EFNB3: variants seen among roughly 807,000 people sequenced by gnomAD.
EFNB3 encodes the protein ephrin-B3.
A neutral mutation model predicts 29.8 loss-of-function variants in EFNB3; 14 were observed. The ratio of observed to expected loss-of-function variants is 0.47; its 90% CI spans 0.31 to 0.73. The LOEUF (loss-of-function observed/expected upper bound fraction) is 0.73. EFNB3 is among the 30% of genes least tolerant of loss of function. EFNB3 has a pLI of 0.05. For synonymous variants in EFNB3, 216 were observed against 191.6 expected (o/e 1.13, Z -1.05); for missense variants, 408 against 458.0 (o/e 0.89, Z 1.00).
At position 7,709,221 on chromosome 17, in the gene EFNB3, C is replaced by T; in HGVS notation, c.668C>T (p.Pro223Leu). Reference sequence around the variant, plus strand: ...GGTGCTGAAGGCCCCCTGCCCCCTCCCAGCATGCCTGCAGTGGCTGGGGCA... The same window carrying T: ...GGTGCTGAAGGCCCCCTGCCCCCTCTCAGCATGCCTGCAGTGGCTGGGGCA... ...SRGAEGPLPP[P>L]SMPAVAGAAG... is the part of the protein sequence containing the mutation. The change falls in exon 5 of 5, where the codon CCC becomes CTC. Residue 223 changes from proline (P) to leucine (L), a missense_variant. Around this residue, in one of 3 missense-constraint regions of EFNB3, gnomAD observed 233 missense variants for 230.7 expected, o/e 1.01. Transcript: ENST00000226091. The surrounding 1 kb of genome is among the most constrained non-coding windows in gnomAD (Gnocchi z 4.5). 6.2e-7 allele frequency: 1 copy of T among 1,603,704 alleles called. No individual in the cohort carries two copies. The highest frequency in any genetic ancestry group is 1.3e-5 in the African/African-American group (1 of 74,614).
In EFNB3 at chr17:7,711,360, C is replaced by A. The variant is rs1296516121; in HGVS notation, c.*1784C>A. ...AACCAAAAAAAATAAAAATAAAAAA[C>A]TTCAAAAGTTGACAAGAAGGCTGGA... On this transcript the variant is annotated 3_prime_UTR_variant, in exon 5 of 5. Coordinates refer to ENST00000226091, the MANE Select transcript of EFNB3 (RefSeq NM_001406.4). The A allele has an allele frequency of 6.6e-6, 1 of 152,556 alleles. No homozygotes were observed. Among genetic ancestry groups the A allele is most frequent in the African/African-American group, 2.4e-5 (1 of 41,434 alleles). The allele number at this position is 152,556 out of a possible 1,614,324, so 9.5% of individuals were successfully genotyped here.
rs547481477 is a variant in EFNB3 at position 7,710,937 on chromosome 17, A to C, written c.*1361A>C. ...CCATCCTACATTTCTGACTCCTTTC[A>C]GACTCAACACAGTTCCCTTCTTAGT... On this transcript the variant is annotated 3_prime_UTR_variant, in exon 5 of 5. Coordinates refer to ENST00000226091, the MANE Select transcript of EFNB3 (RefSeq NM_001406.4). 5.2e-5 allele frequency: 8 copies of C among 152,792 alleles called. No homozygotes were observed. Among genetic ancestry groups the C allele is most frequent in the African/African-American group, 1.9e-4 (8 of 41,562 alleles). 9.5% of individuals were successfully genotyped at this position (152,792 alleles called of 1,614,324 possible).
Position 7,709,028 on chromosome 17 carries a change from G to A in EFNB3, c.614-139G>A. The A allele has an allele frequency of 1.1e-6, 1 of 885,748 alleles. No individual in the cohort carries two copies. The highest frequency in any genetic ancestry group is 1.5e-5 in the South Asian group (1 of 65,318). 54.9% of individuals were successfully genotyped at this position (885,748 alleles called of 1,614,324 possible). A position where few individuals can be genotyped will look rare whatever the true frequency, so the allele number is the denominator to read the frequency against. On this transcript the variant is annotated intron_variant, in intron 4 of 4. Coordinates refer to ENST00000226091, the MANE Select transcript of EFNB3 (RefSeq NM_001406.4). This position sits in a 1 kb window ranked among gnomAD's most constrained non-coding sequence, Gnocchi z 4.5. ...CCTGGATTCTGAGCAGAGTTCGGAG[G>A]GGGAGGAGAGATGGGGTCCCCAAGG... is the stretch of plus-strand genomic sequence containing the variant.
At position 7,708,304 on chromosome 17, in the gene EFNB3, G is replaced by C; in HGVS notation, c.415+54G>C. The C allele has an allele frequency of 6.3e-7, 1 of 1,590,412 alleles. No individual in the cohort carries two copies. Among genetic ancestry groups the C allele is most frequent in the Non-Finnish European group, 8.6e-7 (1 of 1,167,982 alleles). On this transcript the variant is annotated intron_variant, in intron 2 of 4. Coordinates refer to ENST00000226091, the MANE Select transcript of EFNB3 (RefSeq NM_001406.4). This position sits in a 1 kb window ranked among gnomAD's most constrained non-coding sequence, Gnocchi z 6.8. ...TGGGGGGCTCCTGATACTGAGCAGAGAGGGAGGGGGACCCCTGCAGCCAAG... is the reference window on the plus strand; with the variant it reads ...TGGGGGGCTCCTGATACTGAGCAGACAGGGAGGGGGACCCCTGCAGCCAAG...
Position 7,705,717 on chromosome 17 carries a change from A to AGAGGTGAGTGGCCT in EFNB3, c.121_122+12dup, listed in dbSNP as rs775103140. 1.6e-5 allele frequency: 25 copies of AGAGGTGAGTGGCCT among 1,564,222 alleles called. No homozygotes were observed. The South Asian group carries it at 2.6e-4, about 16-fold the overall frequency. On this transcript the variant is annotated stop_gained and frameshift_variant, in exon 1 of 5. Coordinates refer to ENST00000226091, the MANE Select transcript of EFNB3 (RefSeq NM_001406.4). LOFTEE classifies it high-confidence loss of function. The surrounding 1 kb of genome is among the most constrained non-coding windows in gnomAD (Gnocchi z 5.4). ...CCTGTCTACTGGAACTCGGCGAATA[A>AGAGGTGAGTGGCCT]GAGGTGAGTGGCCTGCGGCTGGGGA...
intron 1 of EFNB3, among the ~76,000 whole-genome samples, chr17:7,707,209 C>T (rs1047972838): frequency 6.6e-6 from 1 of 152,118 alleles, no homozygotes; most frequent in African/African-American, 2.4e-5. Context: ...CAGTGGATGC[C>T]TGGGTGCACT....
rs1259121921 is a variant in EFNB3, at chr17:7,708,312, G to C, written c.415+62G>C. 1 of 1,587,304 alleles carries C rather than the reference G, an allele frequency of 6.3e-7. No individual in the cohort carries two copies. The highest frequency in any genetic ancestry group is 2.2e-5 in the East Asian group (1 of 44,698). On this transcript the variant is annotated intron_variant, in intron 2 of 4. Coordinates refer to ENST00000226091, the MANE Select transcript of EFNB3 (RefSeq NM_001406.4). The surrounding 1 kb of genome is among the most constrained non-coding windows in gnomAD (Gnocchi z 6.8). ...TCCTGATACTGAGCAGAGAGGGAGG[G>C]GGACCCCTGCAGCCAAGAGGGAGAT... is the stretch of plus-strand genomic sequence containing the variant.
Position 7,708,084 on chromosome 17 carries a change from G to T in EFNB3, c.249G>T (p.Leu83=), listed in dbSNP as rs770364865. The change falls in exon 2 of 5, where the codon CTG becomes CTT. Residue 83 remains leucine (L), a synonymous_variant. Coordinates refer to ENST00000226091, the MANE Select transcript of EFNB3 (RefSeq NM_001406.4). This position sits in a 1 kb window ranked among gnomAD's most constrained non-coding sequence, Gnocchi z 6.8. ...SPNYEFYKLY[L]VGGAQGRRCE... Reference sequence around the variant, plus strand: ...ATTATGAGTTCTACAAGCTGTACCTGGTAGGGGGTGCTCAGGGCCGGCGCT... The same window carrying T: ...ATTATGAGTTCTACAAGCTGTACCTTGTAGGGGGTGCTCAGGGCCGGCGCT... 1.2e-6 allele frequency: 2 copies of T among 1,613,972 alleles called. No individual in the cohort carries two copies. The highest frequency in any genetic ancestry group is 1.7e-6 in the Non-Finnish European group (2 of 1,180,022).
rs187269351 is a variant in EFNB3, at chr17:7,707,830, T to A, written c.123-128T>A. 8 of 1,092,948 alleles carry A rather than the reference T, an allele frequency of 7.3e-6. No homozygotes were observed. The East Asian group carries it at 2.0e-4, about 27-fold the overall frequency. 67.7% of individuals were successfully genotyped at this position (1,092,948 alleles called of 1,614,324 possible). A position where few individuals can be genotyped will look rare whatever the true frequency, so the allele number is the denominator to read the frequency against. On this transcript the variant is annotated intron_variant, in intron 1 of 4. Coordinates refer to ENST00000226091, the MANE Select transcript of EFNB3 (RefSeq NM_001406.4). The stretch of plus-strand genomic sequence containing the variant: ...TGCTCTATAAGAAGAGACTTTCCAC[T>A]CAGACAAAGGCGGGCAAGCGTGAGC...
rs2074342699 is a variant in EFNB3 at position 7,709,684 on chromosome 17, C to T, written c.*108C>T. On this transcript the variant is annotated 3_prime_UTR_variant, in exon 5 of 5. Coordinates refer to ENST00000226091, the MANE Select transcript of EFNB3 (RefSeq NM_001406.4). The surrounding 1 kb of genome is among the most constrained non-coding windows in gnomAD (Gnocchi z 4.5). ...TAACATCTCGGCCCCCTGTGCCCCC[C>T]CAGCCCCTTCACTCCTCCCGGCTGC... The T allele has an allele frequency of 8.6e-7, 1 of 1,158,348 alleles. No individual in the cohort carries two copies. The highest frequency in any genetic ancestry group is 2.0e-5 in the Admixed American group (1 of 49,804). The allele number at this position is 1,158,348 out of a possible 1,614,324, so 71.8% of individuals were successfully genotyped here. A position where few individuals can be genotyped will look rare whatever the true frequency, so the allele number is the denominator to read the frequency against.
At position 7,709,249 on chromosome 17, in the gene EFNB3, AG is replaced by A; in HGVS notation, c.702del (p.Leu235TrpfsTer59). The A allele has an allele frequency of 1.3e-6, 2 of 1,594,212 alleles. No homozygotes were observed. Among genetic ancestry groups the A allele is most frequent in the African/African-American group, 1.4e-5 (1 of 74,042 alleles). ...GCATGCCTGCAGTGGCTGGGGCAGC[AG>A]GGGGGCTGGCGCTGCTCTTGCTGGG... ...PSMPAVAGAA[G>X]GLALLLLGVA... On this transcript the variant is annotated frameshift_variant, in exon 5 of 5. Transcript: ENST00000226091. LOFTEE classifies it high-confidence loss of function. The surrounding 1 kb of genome is among the most constrained non-coding windows in gnomAD (Gnocchi z 4.5).
Position 7,709,039 on chromosome 17 carries a change from A to G in EFNB3, c.614-128A>G. 1.0e-6 allele frequency: 1 copy of G among 974,618 alleles called. No individual in the cohort carries two copies. The highest frequency in any genetic ancestry group is 1.4e-5 in the South Asian group (1 of 69,872). The allele number at this position is 974,618 out of a possible 1,614,324, so 60.4% of individuals were successfully genotyped here. On this transcript the variant is annotated intron_variant, in intron 4 of 4. Transcript: ENST00000226091. This position sits in a 1 kb window ranked among gnomAD's most constrained non-coding sequence, Gnocchi z 4.5. ...AGCAGAGTTCGGAGGGGGAGGAGAG[A>G]TGGGGTCCCCAAGGGGCCTGGGCGC...
intron 1 of EFNB3, among the ~76,000 whole-genome samples, chr17:7,707,674 G>A (rs897190709): frequency 5.3e-5 from 8 of 152,164 alleles, no homozygotes; most frequent in Non-Finnish European, 7.3e-5. Flanking sequence ...GTGATGGAGC[G>A]GGAGATGGCG....
rs1457813314 is a variant in EFNB3, at chr17:7,709,968, ATCTC to A, written c.*394_*397del. 1 of 326,248 alleles carries A rather than the reference ATCTC, an allele frequency of 3.1e-6. No homozygotes were observed. The highest frequency in any genetic ancestry group is 2.3e-5 in the African/African-American group (1 of 43,194). 20.2% of individuals were successfully genotyped at this position (326,248 alleles called of 1,614,324 possible). Reference sequence around the variant, plus strand: ...GCCTCTCACTGGTTTTCTCTTCTCTATCTCTTATTCTTTCCCTCTCTTCCGTCTC... The same window carrying A: ...GCCTCTCACTGGTTTTCTCTTCTCTATTATTCTTTCCCTCTCTTCCGTCTC... On this transcript the variant is annotated 3_prime_UTR_variant, in exon 5 of 5. Coordinates refer to ENST00000226091, the MANE Select transcript of EFNB3 (RefSeq NM_001406.4). The surrounding 1 kb of genome is among the most constrained non-coding windows in gnomAD (Gnocchi z 4.5).
In EFNB3 at chr17:7,708,518, G is replaced by T; in HGVS notation, c.499G>T (p.Val167Leu). The part of the protein sequence containing the change: ...LTRGMKVLLR[V>L]GQSPRGGAVP... ...CAGAGGCATGAAGGTGCTTCTCCGA[G>T]TGGGACAAAGTGAGTGGGGCTGGGG... The change falls in exon 3 of 5, where the codon GTG (valine) becomes TTG (leucine). Residue 167 changes from valine to leucine, a missense_variant. Val to Leu is a conservative substitution (Grantham distance 32). Transcript: ENST00000226091. The surrounding 1 kb of genome is among the most constrained non-coding windows in gnomAD (Gnocchi z 6.8). 1 of 1,613,718 alleles carries T rather than the reference G, an allele frequency of 6.2e-7. No homozygotes were observed. The highest frequency in any genetic ancestry group is 8.5e-7 in the Non-Finnish European group (1 of 1,179,834).
chr17:7,709,069 A>G lies in EFNB3; in HGVS notation c.614-98A>G. The G allele has an allele frequency of 3.2e-6, 4 of 1,248,376 alleles. No homozygotes were observed. Among genetic ancestry groups the G allele is most frequent in the Non-Finnish European group, 4.5e-6 (4 of 885,578 alleles). The allele number at this position is 1,248,376 out of a possible 1,614,324, so 77.3% of individuals were successfully genotyped here. A position where few individuals can be genotyped will look rare whatever the true frequency, so the allele number is the denominator to read the frequency against. On this transcript the variant is annotated intron_variant, in intron 4 of 4. Coordinates refer to ENST00000226091, the MANE Select transcript of EFNB3 (RefSeq NM_001406.4). The surrounding 1 kb of genome is among the most constrained non-coding windows in gnomAD (Gnocchi z 4.5). ...GTCCCCAAGGGGCCTGGGCGCTACA[A>G]GGGAAGCCCATGGGGACCCCCAGGG...
Position 7,708,577 on chromosome 17 carries a change from G to GT in EFNB3, c.508+51dup. ...CTGGGCACGAAGGGACGTTGGGGCA[G>GT]TACGATCATGGTTGGGGCAGTTGTC... On this transcript the variant is annotated intron_variant, in intron 3 of 4. Coordinates refer to ENST00000226091, the MANE Select transcript of EFNB3 (RefSeq NM_001406.4). The surrounding 1 kb of genome is among the most constrained non-coding windows in gnomAD (Gnocchi z 6.8). The GT allele has an allele frequency of 6.3e-7, 1 of 1,597,944 alleles. No individual in the cohort carries two copies. The highest frequency in any genetic ancestry group is 8.5e-7 in the Non-Finnish European group (1 of 1,171,692).
chr17:7,706,409 A>G (rs556048798), intron 1 of EFNB3, among the ~76,000 whole-genome samples: 1 of 151,928 alleles, frequency 6.6e-6, no homozygotes, highest in Non-Finnish European at 1.5e-5. Context: ...CCCTCCCCCA[A>G]TCTTTGCTGC....
chr17:7,709,625 C>T lies in EFNB3; in HGVS notation c.*49C>T, dbSNP rs2074342359. 1 of 1,610,800 alleles carries T rather than the reference C, an allele frequency of 6.2e-7. No individual in the cohort carries two copies. Among genetic ancestry groups the T allele is most frequent in the Non-Finnish European group, 8.5e-7 (1 of 1,178,586 alleles). On this transcript the variant is annotated 3_prime_UTR_variant, in exon 5 of 5. Transcript: ENST00000226091. The surrounding 1 kb of genome is among the most constrained non-coding windows in gnomAD (Gnocchi z 4.5). ...TGAATCCAGCCCTTCTTGGGGTGCT[C>T]CTCCAGTTTAATTCCTGGTTTGAGG...
Sources: allele counts gnomAD v4.1 joint callset (sites outside exome capture counted in the v4.1 genomes callset), GRCh38; gene constraint gnomAD v4.1.1; regional missense constraint gnomAD v4.1.1; non-coding constraint Gnocchi (gnomAD v3.1); transcripts MANE v1.5; gene names NCBI Gene and HGNC (gene_info 2026-07-23, HGNC 2026-07-21).